Variants in EIF4G3 observed in about 807,000 individuals in gnomAD.
EIF4G3 encodes the protein eukaryotic translation initiation factor 4 gamma 3, also known as eIF-4-gamma 3.
In EIF4G3, 34 loss-of-function variants were observed where a neutral mutation model predicts 186.4. The observed-to-expected ratio is 0.18, with a 90% confidence interval of 0.14 to 0.24. The LOEUF is 0.24. Ranked by LOEUF, EIF4G3 falls within the 10% of genes least tolerant of loss-of-function variation. EIF4G3 has a pLI of 1.00. For missense variants in EIF4G3, 1,536 were observed against 1,948.5 expected (o/e 0.79, Z 3.99); for synonymous variants, 673 against 679.5 (o/e 0.99, Z 0.15).
intron 22 of EIF4G3, among the ~76,000 whole-genome samples, chr1:20,863,861 A>C (rs2076984136): frequency 6.6e-6 from 1 of 152,148 alleles, no homozygotes; most frequent in African/African-American, 2.4e-5. Flanking sequence ...TAGGAGTCAC[A>C]GAATGTTAAG....
At chr1:20,987,623 A>G (rs1359860575) in intron 7 of EIF4G3, among the ~76,000 whole-genome samples, 1 of 152,140 alleles carries the variant, frequency 6.6e-6, no homozygotes, top group Non-Finnish European at 1.5e-5. Flanking sequence ...CATGAACTGC[A>G]CCCATAGAAG....
In EIF4G3 at chr1:20,902,857, T is replaced by A. The variant is rs182037717; in HGVS notation, c.1752+2026A>T. On this transcript the variant is annotated intron_variant, in intron 15 of 36. Coordinates refer to ENST00000602326, the MANE Select transcript of EIF4G3 (RefSeq NM_001391906.1). ...GGTTTCGTCATGTTGGCCAGGCTGG[T>A]CTCGAAATCCTGGCCTCAAGTGATC... Among the ~76,000 whole-genome samples the A allele has an allele frequency of 6.3e-3, 961 of 152,294 alleles. 7 individuals carry two copies. Among genetic ancestry groups the A allele is most frequent in the African/African-American group, 0.022 (895 of 41,560 alleles).
At chr1:21,045,591 G>T (rs143666877) in intron 4 of EIF4G3, among the ~76,000 whole-genome samples, 1 of 152,126 alleles carries the variant, frequency 6.6e-6, no homozygotes, top group Admixed American at 6.5e-5. Context: ...CAAAAGCCTG[G>T]AAGTCTAGAC....
intron 2 of EIF4G3, among the ~76,000 whole-genome samples, chr1:21,137,626 T>C (rs986059519): frequency 1.4e-4 from 21 of 152,064 alleles, no homozygotes; most frequent in East Asian, 5.8e-4. Context: ...CTGGGCAACA[T>C]AGTAAGACCT....
At chr1:21,009,345 A>G (rs1372151324) in intron 4 of EIF4G3, among the ~76,000 whole-genome samples, 1 of 151,806 alleles carries the variant, frequency 6.6e-6, no homozygotes. Context: ...ATGCCTGACT[A>G]ATTTTTGAAT....
intron 8 of EIF4G3, among the ~76,000 whole-genome samples, chr1:20,981,771 GTATA>G (rs1055084399): frequency 6.7e-6 from 1 of 150,042 alleles, no homozygotes. Context: ...CACACATACT[GTATA>G]TATACATACA....
intron 15 of EIF4G3, among the ~76,000 whole-genome samples, chr1:20,903,447 A>G (rs2091085144): frequency 6.6e-6 from 1 of 152,214 alleles, no homozygotes; most frequent in African/African-American, 2.4e-5. Context: ...AAACCAGCTG[A>G]ATCTAAAAAG....
rs183939663 is a variant in EIF4G3, at chr1:21,149,698, A to G, written c.-272+26477T>C. ...CCCCATCTCTCACCTTAACATACCA[A>G]GCAGATTTTTTATATGGAACAGTAT... On this transcript the variant is annotated intron_variant, in intron 2 of 36. Coordinates refer to ENST00000602326, the MANE Select transcript of EIF4G3 (RefSeq NM_001391906.1). 2.6e-5 allele frequency among the ~76,000 whole-genome samples: 4 copies of G among 152,302 alleles called. No individual in the cohort carries two copies. The East Asian group carries it at 7.7e-4, about 29-fold the overall frequency.
intron 22 of EIF4G3, among the ~76,000 whole-genome samples, chr1:20,863,478 CTT>C (rs2076868391): frequency 9.5e-6 from 1 of 104,808 alleles, no homozygotes; most frequent in Admixed American, 1.4e-4. Flanking sequence ...GAGTTTCACT[CTT>C]GTTGCCCAGC....
Position 21,075,999 on chromosome 1 carries a change from C to G in EIF4G3, c.-196+13139G>C, listed in dbSNP as rs559416371. ...AAACTGCATTTTAAACGAAAGACAC[C>G]TAACAGACATTTACAGAACATTTCA... On this transcript the variant is annotated intron_variant, in intron 3 of 36. Coordinates refer to ENST00000602326, the MANE Select transcript of EIF4G3 (RefSeq NM_001391906.1). Among the ~76,000 whole-genome samples the G allele has an allele frequency of 2.0e-5, 3 of 152,148 alleles. No homozygotes were observed. The South Asian group carries it at 6.2e-4, about 32-fold the overall frequency.
intron 12 of EIF4G3, among the ~76,000 whole-genome samples, chr1:20,963,654 A>T (rs575361818): frequency 1.3e-5 from 2 of 152,282 alleles, no homozygotes; most frequent in African/African-American, 4.8e-5. Context: ...ATTCATTTTT[A>T]AAAATTAAGT....
At chr1:21,093,972 G>A (rs1440251478) in intron 2 of EIF4G3, among the ~76,000 whole-genome samples, 1 of 152,068 alleles carries the variant, frequency 6.6e-6, no homozygotes, top group Non-Finnish European at 1.5e-5. Context: ...GGGAAGGAGG[G>A]AGGGATAGCA....
At chr1:21,056,644 C>T (rs1469468245) in intron 3 of EIF4G3, among the ~76,000 whole-genome samples, 1 of 152,204 alleles carries the variant, frequency 6.6e-6, no homozygotes, top group Non-Finnish European at 1.5e-5. Context: ...TATTATCTAG[C>T]TAAGGGTTCT....
At chr1:20,911,000 T>C (rs1362511144) in intron 14 of EIF4G3, among the ~76,000 whole-genome samples, 3 of 152,252 alleles carry the variant, frequency 2.0e-5, no homozygotes, top group African/African-American at 7.2e-5. Context: ...GTAAAACTTT[T>C]AAAGTTGATT....
At chr1:21,121,391 A>G (rs956091987) in intron 2 of EIF4G3, among the ~76,000 whole-genome samples, 1 of 152,228 alleles carries the variant, frequency 6.6e-6, no homozygotes, top group African/African-American at 2.4e-5. Context: ...AAATACATGT[A>G]TATTTCATTT....
At chr1:21,011,884 A>G (rs1360470557) in intron 4 of EIF4G3, among the ~76,000 whole-genome samples, 1 of 152,208 alleles carries the variant, frequency 6.6e-6, no homozygotes, top group Non-Finnish European at 1.5e-5. Context: ...TAACACCATT[A>G]GAGTTATAAA....
intron 30 of EIF4G3, among the ~76,000 whole-genome samples, chr1:20,840,317 A>C (rs1178686921): frequency 6.6e-6 from 1 of 152,242 alleles, no homozygotes; most frequent in Admixed American, 6.5e-5. Flanking sequence ...TTATCAAACC[A>C]TCCATTGACA....
chr1:20,982,550 G>A (rs1290173229), intron 7 of EIF4G3, 142 bp from the exon 8 acceptor site: 1 of 538,038 alleles, frequency 1.9e-6, no homozygotes, highest in African/African-American at 2.0e-5. Context: ...GAAGAAAGAA[G>A]ACTAGAAAAT....
At chr1:21,089,001 AT>A in intron 3 of EIF4G3, 136 bp downstream of exon 3, 1 of 612,666 alleles carries the variant, frequency 1.6e-6, no homozygotes, top group South Asian at 2.0e-5. Flanking sequence ...GAAAGGGCCT[AT>A]CATTCTATTC....
Sources: gnomAD v4.1 joint callset for allele counts (sites outside exome capture counted in the v4.1 genomes callset) on GRCh38, gnomAD v4.1.1 for gene constraint, MANE v1.5 for transcripts, NCBI Gene and HGNC (gene_info 2026-07-23, HGNC 2026-07-21) for gene names.